Variants in NTM observed in about 807,000 individuals in gnomAD.
NTM encodes the protein neurotrimin.
In NTM, 13 loss-of-function variants were observed where a neutral mutation model predicts 42.1. The ratio of observed to expected loss-of-function variants is 0.31; its 90% CI spans 0.20 to 0.49. The LOEUF (loss-of-function observed/expected upper bound fraction) is 0.49. NTM is among the 20% of genes least tolerant of loss of function. NTM has a pLI of 0.99. For synonymous variants in NTM, 187 were observed against 179.2 expected (o/e 1.04, Z -0.35); for missense variants, 373 against 452.8 (o/e 0.82, Z 1.60).
intron 1 of NTM, among the ~76,000 whole-genome samples, chr11:131,591,593 G>A (rs2059374914): frequency 6.6e-6 from 1 of 152,202 alleles, no homozygotes. Flanking sequence ...AATGAGCCAA[G>A]GCTTGAGATT....
Position 131,466,080 on chromosome 11 carries a change from G to A in NTM, c.82+95192G>A, listed in dbSNP as rs1951853561. ...CAAAGCCATCAGCCTTCAGCAGGGA[G>A]AAGAGCAGCATGTGAGCAGGTGCGT... On this transcript the variant is annotated intron_variant, in intron 1 of 8. Coordinates refer to ENST00000683400, the MANE Select transcript of NTM (RefSeq NM_001352005.2). Among the ~76,000 whole-genome samples, 4 of 152,348 alleles carry A rather than the reference G, an allele frequency of 2.6e-5. No individual in the cohort carries two copies. In the South Asian group the frequency reaches 8.3e-4, roughly 32 times the overall value.
At chr11:131,854,008 G>A (rs1034053994) in intron 1 of NTM, among the ~76,000 whole-genome samples, 8 of 152,202 alleles carry the variant, frequency 5.3e-5, no homozygotes, top group African/African-American at 1.7e-4. Flanking sequence ...TACATTAGAA[G>A]GTCCTGGAGT....
chr11:131,452,039 A>C (rs1224516094), intron 1 of NTM, among the ~76,000 whole-genome samples: 1 of 152,142 alleles, frequency 6.6e-6, no homozygotes, highest in Non-Finnish European at 1.5e-5. Context: ...CTGCACCCTG[A>C]GCATCCTCTC....
intron 2 of NTM, among the ~76,000 whole-genome samples, chr11:131,977,784 C>T (rs776120057): frequency 6.1e-5 from 9 of 148,382 alleles, no homozygotes; most frequent in East Asian, 2.0e-4. Flanking sequence ...GTGAGTTTCT[C>T]GAAGAAAAGG....
intron 1 of NTM, among the ~76,000 whole-genome samples, chr11:131,604,308 A>G (rs2060740677): frequency 6.6e-6 from 1 of 152,076 alleles, no homozygotes; most frequent in Admixed American, 6.6e-5. Flanking sequence ...GTTATTGGCC[A>G]TTTGTATGTA....
intron 2 of NTM, among the ~76,000 whole-genome samples, chr11:131,937,115 T>A (rs995033475): frequency 6.6e-6 from 1 of 152,216 alleles, no homozygotes; most frequent in Admixed American, 6.5e-5. Context: ...CCTGTCTGTA[T>A]TGTGTATCAA....
At chr11:132,203,797 G>A (rs1231428790) in intron 3 of NTM, among the ~76,000 whole-genome samples, 1 of 152,114 alleles carries the variant, frequency 6.6e-6, no homozygotes, top group East Asian at 1.9e-4. Flanking sequence ...TACTCGGGAG[G>A]CTGAGGCAGG....
chr11:131,795,103 C>T (rs2091411045), intron 1 of NTM: 3 of 556,296 alleles, frequency 5.4e-6, no homozygotes, highest in Non-Finnish European at 6.8e-6. Flanking sequence ...CTTGTTTATT[C>T]TTTACTTTTT....
At chr11:132,079,706 G>T (rs1309279426) in intron 2 of NTM, among the ~76,000 whole-genome samples, 1 of 152,182 alleles carries the variant, frequency 6.6e-6, no homozygotes, top group African/African-American at 2.4e-5. Flanking sequence ...CTGGTTGCAT[G>T]TTCCTGACAC....
chr11:131,615,793 T>TGGCC (rs1555166110), intron 1 of NTM, among the ~76,000 whole-genome samples: 2 of 152,176 alleles, frequency 1.3e-5, no homozygotes, highest in Non-Finnish European at 2.9e-5. Context: ...GTGAACCCTC[T>TGGCC]GGCCCCTAAG....
rs145660186 is a variant in NTM, at chr11:131,721,713, C to T, written c.83-189851C>T. Reference sequence around the variant, plus strand: ...TCTGTGAGGATTAGATGAAATAATGCGGGCCAGGAGCAGTGGCTCACACCT... The same window carrying T: ...TCTGTGAGGATTAGATGAAATAATGTGGGCCAGGAGCAGTGGCTCACACCT... On this transcript the variant is annotated intron_variant, in intron 1 of 8. Coordinates refer to ENST00000683400, the MANE Select transcript of NTM (RefSeq NM_001352005.2). 2.0e-3 allele frequency among the ~76,000 whole-genome samples: 308 copies of T among 151,994 alleles called. 1 individual carries two copies. Among genetic ancestry groups the T allele is most frequent in the Admixed American group, 5.4e-3 (82 of 15,254 alleles).
intron 2 of NTM, among the ~76,000 whole-genome samples, chr11:131,996,328 C>G (rs2068018304): frequency 6.6e-6 from 1 of 152,176 alleles, no homozygotes; most frequent in Non-Finnish European, 1.5e-5. Context: ...AGCACAGCGC[C>G]TGACACACAT....
chr11:131,892,533 C>A (rs1437825447), intron 1 of NTM, among the ~76,000 whole-genome samples: 1 of 152,210 alleles, frequency 6.6e-6, no homozygotes, highest in African/African-American at 2.4e-5. Flanking sequence ...CCCTACTTTT[C>A]TCTGTGTATT....
At chr11:131,885,512 G>A (rs1016485610) in intron 1 of NTM, among the ~76,000 whole-genome samples, 1 of 152,072 alleles carries the variant, frequency 6.6e-6, no homozygotes, top group African/African-American at 2.4e-5. Context: ...CCGATGCACA[G>A]GCTAATAGCA....
At chr11:132,311,238 T>C (rs2095271079) in intron 6 of NTM, among the ~76,000 whole-genome samples, 1 of 152,222 alleles carries the variant, frequency 6.6e-6, no homozygotes, top group South Asian at 2.1e-4. Flanking sequence ...TAAAGCTCTT[T>C]CTAGTCTCTA....
At chr11:132,021,646 A>C (rs1303816153) in intron 2 of NTM, among the ~76,000 whole-genome samples, 1 of 152,010 alleles carries the variant, frequency 6.6e-6, no homozygotes, top group East Asian at 1.9e-4. Context: ...TGATGTTTTT[A>C]AATTTTCTTT....
At chr11:131,699,728 G>C (rs895840891) in intron 1 of NTM, among the ~76,000 whole-genome samples, 1 of 152,070 alleles carries the variant, frequency 6.6e-6, no homozygotes, top group African/African-American at 2.4e-5. Flanking sequence ...CCAAGCAAAA[G>C]GGGGGAAAAG....
intron 2 of NTM, among the ~76,000 whole-genome samples, chr11:132,095,608 TGA>T (rs1389387036): frequency 6.6e-6 from 1 of 152,312 alleles, no homozygotes; most frequent in East Asian, 1.9e-4. Context: ...CATTTCAGGC[TGA>T]GTTTTCTCTT....
chr11:131,856,730 T>C (rs1592306649), intron 1 of NTM, among the ~76,000 whole-genome samples: 1 of 152,256 alleles, frequency 6.6e-6, no homozygotes, highest in Non-Finnish European at 1.5e-5. Context: ...TATTCTTTTA[T>C]GCATGTGTTT....
Sources: gnomAD v4.1 joint callset for allele counts (sites outside exome capture counted in the v4.1 genomes callset) on GRCh38, gnomAD v4.1.1 for gene constraint, MANE v1.5 for transcripts, NCBI Gene and HGNC (gene_info 2026-07-23, HGNC 2026-07-21) for gene names.